Variants in RTN1 observed in about 807,000 individuals in gnomAD.
RTN1 encodes reticulon 1, also known as reticulon-1.
A neutral mutation model predicts 65.5 loss-of-function variants in RTN1; 25 were observed. That is an observed-to-expected ratio of 0.38 (90% CI 0.28 to 0.53). The LOEUF (loss-of-function observed/expected upper bound fraction) is 0.53. RTN1 is among the 20% of genes least tolerant of loss of function. The probability of loss-of-function intolerance (pLI) is 0.79; values close to 1 mark genes in which losing one functional copy is unlikely to be tolerated. For missense variants in RTN1, 983 were observed against 1,025.4 expected (o/e 0.96, Z 0.57); for synonymous variants, 471 against 447.6 (o/e 1.05, Z -0.66).
rs138374657 is a variant in RTN1, at chr14:59,770,699, T to C, written c.242-24218A>G. Reference sequence around the variant, plus strand: ...AGGTATTCAAAAATGAAAATAAACATTTAGATTTTTCAAACCAGGCTCATT... The same window carrying C: ...AGGTATTCAAAAATGAAAATAAACACTTAGATTTTTCAAACCAGGCTCATT... On this transcript the variant is annotated intron_variant, in intron 1 of 8. Coordinates refer to ENST00000267484, the MANE Select transcript of RTN1 (RefSeq NM_021136.3). Among the ~76,000 whole-genome samples the C allele has an allele frequency of 5.2e-3, 791 of 152,250 alleles. 7 individuals carry two copies. Among genetic ancestry groups the C allele is most frequent in the African/African-American group, 0.018 (737 of 41,544 alleles).
At chr14:59,624,780 T>C (rs1457248481) in intron 3 of RTN1, among the ~76,000 whole-genome samples, 2 of 152,128 alleles carry the variant, frequency 1.3e-5, no homozygotes, top group Non-Finnish European at 2.9e-5. Context: ...TCATAAGAAC[T>C]AGAAAGGTGA....
chr14:59,669,268 T>C (rs1321825934), intron 3 of RTN1, among the ~76,000 whole-genome samples: 1 of 152,152 alleles, frequency 6.6e-6, no homozygotes, highest in Non-Finnish European at 1.5e-5. Context: ...TGGAATACTA[T>C]GCAGCCATAA....
At chr14:59,615,280 T>A (rs1047857091) in intron 3 of RTN1, among the ~76,000 whole-genome samples, 1 of 152,036 alleles carries the variant, frequency 6.6e-6, no homozygotes, top group Non-Finnish European at 1.5e-5. Context: ...AGAAACCCTG[T>A]CTCTACTAAA....
Position 59,794,201 on chromosome 14 carries a change from CAT to C in RTN1, c.242-47722_242-47721del, listed in dbSNP as rs1389010060. On this transcript the variant is annotated intron_variant, in intron 1 of 8. Transcript: ENST00000267484. The surrounding 1 kb of genome is among the most constrained non-coding windows in gnomAD (Gnocchi z 5.1). ...CCGTAATGATTAATTCCGGTATAGA[CAT>C]GTGACTTAAAATTGTTCCAGTTGAA... 3.9e-5 allele frequency among the ~76,000 whole-genome samples: 6 copies of C among 152,288 alleles called. No individual in the cohort carries two copies. The East Asian group carries it at 1.2e-3, about 29-fold the overall frequency.
intron 1 of RTN1, among the ~76,000 whole-genome samples, chr14:59,782,873 C>T (rs1011174354): frequency 6.6e-6 from 1 of 152,024 alleles, no homozygotes; most frequent in African/African-American, 2.4e-5. Context: ...TAAAGTGCTA[C>T]AGGAGGGCAT....
intron 3 of RTN1, among the ~76,000 whole-genome samples, chr14:59,682,702 A>G (rs530051684): frequency 6.6e-6 from 1 of 152,316 alleles, no homozygotes; most frequent in East Asian, 1.9e-4. Context: ...AACAAAATCA[A>G]ATGTATACTT....
intron 3 of RTN1, among the ~76,000 whole-genome samples, chr14:59,648,807 A>C (rs561814819): frequency 6.6e-6 from 1 of 152,362 alleles, no homozygotes; most frequent in East Asian, 1.9e-4. Flanking sequence ...AGAGCCATCT[A>C]TGACTAAACC....
intron 3 of RTN1, among the ~76,000 whole-genome samples, chr14:59,664,130 T>C (rs1368546375): frequency 1.3e-5 from 2 of 152,122 alleles, no homozygotes; most frequent in Non-Finnish European, 2.9e-5. Flanking sequence ...TGGAATACTA[T>C]GTAGCCACAG....
chr14:59,705,209 T>C (rs1423734167), intron 3 of RTN1, among the ~76,000 whole-genome samples: 1 of 152,180 alleles, frequency 6.6e-6, no homozygotes, highest in Non-Finnish European at 1.5e-5. Context: ...CGGAAGTCTA[T>C]GCGTACTTAG....
intron 6 of RTN1, among the ~76,000 whole-genome samples, 182 bp from the exon 7 acceptor site, chr14:59,603,440 G>T (rs45445798): frequency 0.06 from 8,940 of 148,398 alleles, 352 homozygotes; most frequent in Non-Finnish European, 0.087. Context: ...AGATGACAGG[G>T]CAGTTCATAG....
chr14:59,773,302 T>A (rs1164945195), intron 1 of RTN1, among the ~76,000 whole-genome samples: 1 of 152,142 alleles, frequency 6.6e-6, no homozygotes, highest in Non-Finnish European at 1.5e-5. Context: ...CATTTATTTC[T>A]TGTTATAGTG....
At chr14:59,706,013 T>C (rs1166943752) in intron 3 of RTN1, among the ~76,000 whole-genome samples, 1 of 152,162 alleles carries the variant, frequency 6.6e-6, no homozygotes, top group Admixed American at 6.5e-5. Context: ...TAAGGGAAGT[T>C]CATCCAGAAG....
At chr14:59,720,221 G>T (rs559767859) in intron 3 of RTN1, among the ~76,000 whole-genome samples, 1 of 150,772 alleles carries the variant, frequency 6.6e-6, no homozygotes, top group Non-Finnish European at 1.5e-5. Flanking sequence ...GGCTGAGAAG[G>T]AAACCCCACC....
At chr14:59,851,688 T>C (rs1245228551) in intron 1 of RTN1, among the ~76,000 whole-genome samples, 1 of 151,912 alleles carries the variant, frequency 6.6e-6, no homozygotes, top group Non-Finnish European at 1.5e-5. Flanking sequence ...TGAAACCCTG[T>C]CTTTACTAAA....
chr14:59,660,300 A>T (rs1221392998), intron 3 of RTN1, among the ~76,000 whole-genome samples: 1 of 152,218 alleles, frequency 6.6e-6, no homozygotes, highest in Non-Finnish European at 1.5e-5. Flanking sequence ...GGGAGACTTT[A>T]ACACCCCACT....
intron 3 of RTN1, among the ~76,000 whole-genome samples, chr14:59,722,717 C>T (rs1277773877): frequency 1.4e-5 from 2 of 142,894 alleles, no homozygotes; most frequent in Admixed American, 6.9e-5. Context: ...ACAAGAACAA[C>T]AATAAAAAAA....
intron 8 of RTN1, among the ~76,000 whole-genome samples, chr14:59,599,726 A>C (rs1408826320): frequency 6.6e-6 from 1 of 152,222 alleles, no homozygotes; most frequent in Non-Finnish European, 1.5e-5. Context: ...GAGTATCTAC[A>C]GTTTTACTAA....
chr14:59,730,951 T>C (rs1217459963), intron 2 of RTN1, among the ~76,000 whole-genome samples: 1 of 152,198 alleles, frequency 6.6e-6, no homozygotes. Flanking sequence ...GACAGCTCCT[T>C]AAATATTTAA....
At chr14:59,630,660 G>A in intron 3 of RTN1, 1 of 1,228,580 alleles carries the variant, frequency 8.1e-7, no homozygotes, top group Admixed American at 4.4e-5. Flanking sequence ...AGGGGCGGGA[G>A]CGTCGCTGGC....
Sources: gnomAD v4.1 joint callset for allele counts (sites outside exome capture counted in the v4.1 genomes callset) on GRCh38, gnomAD v4.1.1 for gene constraint, Gnocchi (gnomAD v3.1) non-coding constraint, MANE v1.5 for transcripts, NCBI Gene and HGNC (gene_info 2026-07-23, HGNC 2026-07-21) for gene names.